The following SPEG variants were observed in gnomAD, a reference collection of about 807,000 sequenced individuals.
SPEG encodes striated muscle enriched protein kinase.
Under a neutral mutation model 300.4 loss-of-function variants are expected in SPEG, and 114 were observed. The observed-to-expected ratio is 0.38, with a 90% CI of 0.33 to 0.44. SPEG has a LOEUF of 0.44. Ranked by LOEUF, SPEG falls within the 20% of genes least tolerant of loss-of-function variation. The pLI is 1.00. For missense variants in SPEG, 4,201 were observed against 4,586.2 expected, an observed-to-expected ratio of 0.92 and a Z score of 2.43; for synonymous variants, 1,964 against 2,018.9, an observed-to-expected ratio of 0.97 and a Z score of 0.73.
rs757403345 is a variant in SPEG at position 219,471,092 on chromosome 2, T to G, written c.3716-776T>G. Among the ~76,000 whole-genome samples the G allele has an allele frequency of 9.2e-5, 14 of 151,788 alleles. No individual in the cohort carries two copies. The South Asian group carries it at 2.9e-3, about 32-fold the overall frequency. On this transcript the variant is annotated intron_variant, in intron 13 of 40. Transcript: ENST00000312358. The stretch of plus-strand genomic sequence containing the variant: ...GCCCATGAAAAGCAGCGTGGGCCAG[T>G]GCCCATCGATGTGCAGGCGAGAGGG...
At chr2:219,440,090 A>G (rs1954818482) in intron 1 of SPEG, among the ~76,000 whole-genome samples, 1 of 152,234 alleles carries the variant, frequency 6.6e-6, no homozygotes, top group Non-Finnish European at 1.5e-5. Flanking sequence ...TAAACTTTAG[A>G]ATAAAAGAGC....
chr2:219,485,936 G>T (rs1033214843), intron 31 of SPEG, among the ~76,000 whole-genome samples: 1 of 152,186 alleles, frequency 6.6e-6, no homozygotes, highest in Non-Finnish European at 1.5e-5. Context: ...ACTTTTCAAG[G>T]AGCTCAAGAT....
At chr2:219,467,543 G>A in intron 10 of SPEG, 109 bp downstream of exon 10, 2 of 1,327,292 alleles carry the variant, frequency 1.5e-6, no homozygotes, top group Middle Eastern at 2.6e-4. Context: ...ACCCCGAGGG[G>A]AAGCGGGGGA....
At chr2:219,488,737 A>G (rs1693680802) in intron 33 of SPEG, 41 bp from the exon 34 acceptor site, 6 of 1,611,520 alleles carry the variant, frequency 3.7e-6, no homozygotes, top group Non-Finnish European at 5.1e-6. Flanking sequence ...GTTCTTAGCT[A>G]GGGTATAGGG....
intron 9 of SPEG, chr2:219,466,418 G>C (rs1343000147): frequency 2.3e-6 from 3 of 1,298,226 alleles, no homozygotes; most frequent in Non-Finnish European, 2.9e-6. Flanking sequence ...CTGTCTATCT[G>C]TTTGTCTGTC....
intron 18 of SPEG, 63 bp from the exon 19 acceptor site, chr2:219,476,807 G>T: frequency 7.6e-7 from 1 of 1,316,822 alleles, no homozygotes; most frequent in Non-Finnish European, 1.1e-6. Context: ...GAGGGGCTGA[G>T]GAGGCAGGGT....
chr2:219,464,191 C>T lies in SPEG; in HGVS notation c.2706-242C>T, dbSNP rs543208189. ...CTCCACTCTGAATGCAGCAGGGTTC[C>T]GAGAAGGGAGAGCTGCAGGCAGTTA... On this transcript the variant is annotated intron_variant, in intron 8 of 40. Coordinates refer to ENST00000312358, the MANE Select transcript of SPEG (RefSeq NM_005876.5). The surrounding 1 kb of genome is among the most constrained non-coding windows in gnomAD (Gnocchi z 4.5). Among the ~76,000 whole-genome samples the T allele has an allele frequency of 1.3e-5, 2 of 151,522 alleles. No homozygotes were observed. The highest frequency in any genetic ancestry group is 1.3e-4 in the Admixed American group (2 of 15,224).
intron 36 of SPEG, among the ~76,000 whole-genome samples, 181 bp downstream of exon 36, chr2:219,490,120 A>T (rs1384597041): frequency 6.6e-6 from 1 of 152,222 alleles, no homozygotes; most frequent in Non-Finnish European, 1.5e-5. Flanking sequence ...TAGCCATATG[A>T]TCTCATCAAA....
rs1284152190 is a variant in SPEG, at chr2:219,483,224, T to G, written c.5761T>G (p.Ser1921Ala). The G allele has an allele frequency of 1.2e-6, 2 of 1,610,246 alleles. No homozygotes were observed. Among genetic ancestry groups the G allele is most frequent in the African/African-American group, 2.7e-5 (2 of 74,836 alleles). ...RPPPSGGLSS[S>A]SDSEEEELEE... Reference sequence around the variant, plus strand: ...ACCCCCCAGTGGGGGGCTCTCATCCTCCTCGGATTCTGAAGAGGAAGAGCT... The same window carrying G: ...ACCCCCCAGTGGGGGGCTCTCATCCGCCTCGGATTCTGAAGAGGAAGAGCT... Residue 1921 changes from serine to alanine, a missense_variant, in exon 30 of 41, where the codon TCC becomes GCC. Ser to Ala is a moderately conservative substitution (Grantham distance 99). Coordinates refer to ENST00000312358, the MANE Select transcript of SPEG (RefSeq NM_005876.5).
chr2:219,471,687 C>A (rs775389292), intron 13 of SPEG, 181 bp from the exon 14 acceptor site: 4 of 707,374 alleles, frequency 5.7e-6, no homozygotes, highest in Non-Finnish European at 9.2e-6. Context: ...GGGCCCAGAC[C>A]CAGACTTTGC....
intron 6 of SPEG, among the ~76,000 whole-genome samples, chr2:219,455,627 C>T (rs549451029): frequency 6.6e-6 from 1 of 152,280 alleles, no homozygotes; most frequent in Admixed American, 6.5e-5. Context: ...ATGACACTAT[C>T]CCACCCCCCT....
chr2:219,493,432 C>G lies in SPEG; in HGVS notation c.*646C>G. On this transcript the variant is annotated 3_prime_UTR_variant, in exon 41 of 41. Coordinates refer to ENST00000312358, the MANE Select transcript of SPEG (RefSeq NM_005876.5). ...CCTGTCCAGTGGATACAGCCCTGGG[C>G]GCTCTGCTGGCCCAAGGATGTCCCC... 2.4e-6 allele frequency: 1 copy of G among 408,538 alleles called. No homozygotes were observed. Among genetic ancestry groups the G allele is most frequent in the Non-Finnish European group, 5.0e-6 (1 of 200,682 alleles). The allele number at this position is 408,538 out of a possible 1,614,324, so 25.3% of individuals were successfully genotyped here.
Position 219,443,370 on chromosome 2 carries a change from C to G in SPEG, c.389-1283C>G. On this transcript the variant is annotated intron_variant, in intron 1 of 40. Transcript: ENST00000312358. The surrounding 1 kb of genome is among the most constrained non-coding windows in gnomAD (Gnocchi z 4.6). ...AGGGCGGCTCACTAGCACACCCCTG[C>G]ATGGACTGGGTGCCCTGTTCTCCAT... 1.7e-6 allele frequency: 1 copy of G among 604,022 alleles called. No individual in the cohort carries two copies. The highest frequency in any genetic ancestry group is 3.0e-6 in the Non-Finnish European group (1 of 332,826). The allele number at this position is 604,022 out of a possible 1,614,324, so 37.4% of individuals were successfully genotyped here. A position where few individuals can be genotyped will look rare whatever the true frequency, so the allele number is the denominator to read the frequency against.
rs2125487531 is a variant in SPEG at position 219,472,273 on chromosome 2, G to A, written c.3882G>A (p.Val1294=). Residue 1294 remains valine (V), a synonymous_variant, in exon 15 of 41, where the codon GTG becomes GTA. Transcript: ENST00000312358. Reference sequence around the variant, plus strand: ...ATGGCGCCCCGCAGGTGGTGGCTGTGACGGGGAGGATGGTCACACTCACAT... The same window carrying A: ...ATGGCGCCCCGCAGGTGGTGGCTGTAACGGGGAGGATGGTCACACTCACAT... ...PPDGAPQVVA[V]TGRMVTLTWN... The A allele has an allele frequency of 1.2e-6, 2 of 1,613,908 alleles. No individual in the cohort carries two copies. Among genetic ancestry groups the A allele is most frequent in the Non-Finnish European group, 1.7e-6 (2 of 1,180,012 alleles).
chr2:219,461,200 C>G (rs190244586), intron 6 of SPEG: 2 of 986,934 alleles, frequency 2.0e-6, no homozygotes, highest in East Asian at 2.2e-4. Context: ...CCCCCCTCCT[C>G]TTCCCCCAGG....
chr2:219,472,376 A>AAG (rs2125488424), intron 15 of SPEG, 45 bp downstream of exon 15: 1 of 1,549,342 alleles, frequency 6.5e-7, no homozygotes, highest in East Asian at 2.3e-5. Context: ...AGGGGTGTGG[A>AAG]GAAGGCAGGC....
rs1286324066 is a variant in SPEG, at chr2:219,460,710, G to A, written c.2441-1172G>A. 27 of 985,364 alleles carry A rather than the reference G, an allele frequency of 2.7e-5. No individual in the cohort carries two copies. In the East Asian group the frequency reaches 2.4e-3, roughly 87 times the overall value. 61.0% of individuals were successfully genotyped at this position (985,364 alleles called of 1,614,324 possible). On this transcript the variant is annotated intron_variant, in intron 6 of 40. Coordinates refer to ENST00000312358, the MANE Select transcript of SPEG (RefSeq NM_005876.5). ...CCCCCTCCACACCAGGGCCCAGGCT[G>A]CCTGTGGTCTCGGCAGGCACCACCT...
Position 219,483,775 on chromosome 2 carries a change from G to T in SPEG, c.6312G>T (p.Met2104Ile). The T allele has an allele frequency of 6.4e-7, 1 of 1,554,324 alleles. No individual in the cohort carries two copies. The highest frequency in any genetic ancestry group is 8.6e-7 in the Non-Finnish European group (1 of 1,157,310). The change falls in exon 30 of 41, where the codon ATG becomes ATT. Residue 2104 changes from methionine (M) to isoleucine (I), a missense_variant. Coordinates refer to ENST00000312358, the MANE Select transcript of SPEG (RefSeq NM_005876.5). ...GGGGCCGTGCTCGGGACCCCCGGAT[G>T]GCACGAGCTGCCTCCAGCGAGGCAG... The part of the protein sequence containing the change: ...SLGGRARDPR[M>I]ARAASSEAAP...
Position 219,490,755 on chromosome 2 carries a change from G to C in SPEG, c.9184G>C (p.Val3062Leu). Residue 3062 changes from valine to leucine, a missense_variant, in exon 38 of 41, where the codon GTG becomes CTG. Val to Leu is a conservative substitution (Grantham distance 32, BLOSUM62 1). Around this residue, in one of 4 missense-constraint regions of SPEG, gnomAD observed 318 missense variants for 429.5 expected, o/e 0.74. Transcript: ENST00000312358. Reference protein sequence around the residue: ...SDRFRYSEDDVATYMVQLLQG... With the variant: ...SDRFRYSEDDLATYMVQLLQG... ...CAGGTTCCGGTATTCTGAGGATGAC[G>C]TGGCCACTTACATGGTGCAGCTGCT... 6.2e-7 allele frequency: 1 copy of C among 1,614,084 alleles called. No homozygotes were observed. Among genetic ancestry groups the C allele is most frequent in the African/African-American group, 1.3e-5 (1 of 75,034 alleles).
Sources: allele counts gnomAD v4.1 joint callset (sites outside exome capture counted in the v4.1 genomes callset), GRCh38; gene constraint gnomAD v4.1.1; regional missense constraint gnomAD v4.1.1; non-coding constraint Gnocchi (gnomAD v3.1); transcripts MANE v1.5; gene names NCBI Gene and HGNC (gene_info 2026-07-23, HGNC 2026-07-21).